Variants in BMERB1 observed in about 807,000 individuals in gnomAD.
BMERB1 encodes bMERB domain containing 1, also known as bMERB domain-containing protein 1.
A neutral mutation model predicts 23.6 loss-of-function variants in BMERB1; 12 were observed. That is an observed-to-expected ratio of 0.51 (90% CI 0.33 to 0.82). BMERB1 has a LOEUF of 0.82. Ranked by LOEUF, BMERB1 falls within the 40% of genes least tolerant of loss-of-function variation. The pLI, the probability that BMERB1 is intolerant of heterozygous loss-of-function variation, is 0.03. For synonymous variants in BMERB1, 122 were observed against 96.6 expected (o/e 1.26, Z -1.54); for missense variants, 247 against 255.4 (o/e 0.97, Z 0.22).
chr16:15,492,718 A>AG (rs1267925560), intron 1 of BMERB1, among the ~76,000 whole-genome samples: 1 of 151,964 alleles, frequency 6.6e-6, no homozygotes, highest in Non-Finnish European at 1.5e-5. Flanking sequence ...CAGGGGTTTG[A>AG]GACCAGCTTC....
At chr16:15,568,371 C>A (rs182253656) in intron 3 of BMERB1, among the ~76,000 whole-genome samples, 9 of 152,314 alleles carry the variant, frequency 5.9e-5, no homozygotes, top group Non-Finnish European at 1.0e-4. Flanking sequence ...GGCACGGTGG[C>A]TAATGCCTGT....
chr16:15,584,374 C>T (rs777340383), intron 5 of BMERB1, among the ~76,000 whole-genome samples: 1 of 151,900 alleles, frequency 6.6e-6, no homozygotes, highest in Non-Finnish European at 1.5e-5. Flanking sequence ...CTGGCTAACA[C>T]GGTGAAGCCC....
intron 2 of BMERB1, among the ~76,000 whole-genome samples, chr16:15,564,030 C>T (rs1286399634): frequency 1.3e-5 from 2 of 152,186 alleles, no homozygotes; most frequent in Non-Finnish European, 2.9e-5. Context: ...CCCCCTCTCT[C>T]TTGCTTCCAC....
At chr16:15,553,972 A>G (rs1208315630) in intron 2 of BMERB1, among the ~76,000 whole-genome samples, 5 of 152,088 alleles carry the variant, frequency 3.3e-5, no homozygotes, top group African/African-American at 1.2e-4. Context: ...GTTCTTTACA[A>G]CGCAGACACA....
At chr16:15,536,659 C>A in intron 2 of BMERB1, 1 of 152,400 alleles carries the variant, frequency 6.6e-6, no homozygotes. Context: ...TTCCGCGTCT[C>A]AGCCTTGACT....
intron 1 of BMERB1, among the ~76,000 whole-genome samples, chr16:15,508,714 T>C (rs2051621801): frequency 6.6e-6 from 1 of 150,816 alleles, no homozygotes; most frequent in Non-Finnish European, 1.5e-5. Flanking sequence ...TAATTTCAGC[T>C]ACTCGGGAGG....
intron 3 of BMERB1, among the ~76,000 whole-genome samples, chr16:15,580,145 G>A (rs935853925): frequency 6.6e-6 from 1 of 150,648 alleles, no homozygotes; most frequent in East Asian, 1.9e-4. Flanking sequence ...TACCCAGGCT[G>A]GAGTGCAATG....
rs960404308 is a variant in BMERB1 at position 15,490,748 on chromosome 16, T to C, written c.107-24557T>C. Among the ~76,000 whole-genome samples the C allele has an allele frequency of 3.3e-5, 5 of 152,244 alleles. 1 individual carries two copies. Among genetic ancestry groups the C allele is most frequent in the Admixed American group, 3.3e-4 (5 of 15,280 alleles). ...CTGTCCCACCCTCTGCAAAGATCTG[T>C]GATGCTGGAAAGTTGTGTGTGGCTA... On this transcript the variant is annotated intron_variant, in intron 1 of 5. Coordinates refer to ENST00000300006, the MANE Select transcript of BMERB1 (RefSeq NM_033201.3).
At chr16:15,516,240 G>C (rs1045883628) in intron 2 of BMERB1, among the ~76,000 whole-genome samples, 1 of 151,972 alleles carries the variant, frequency 6.6e-6, no homozygotes, top group African/African-American at 2.4e-5. Flanking sequence ...ACAGGGCAAT[G>C]TAGCCAGACC....
chr16:15,526,754 A>G (rs1319893243), intron 2 of BMERB1, among the ~76,000 whole-genome samples: 1 of 150,832 alleles, frequency 6.6e-6, no homozygotes, highest in Non-Finnish European at 1.5e-5. Context: ...CATTACCACA[A>G]GTTTGTGATA....
intron 1 of BMERB1, among the ~76,000 whole-genome samples, chr16:15,462,142 T>G (rs2051141179): frequency 9.7e-6 from 1 of 102,874 alleles, no homozygotes; most frequent in African/African-American, 3.4e-5. Flanking sequence ...CCTGCCTTTT[T>G]TTTTTTTTTT....
chr16:15,520,775 C>T (rs1422030267), intron 2 of BMERB1, among the ~76,000 whole-genome samples: 3 of 152,218 alleles, frequency 2.0e-5, no homozygotes, highest in African/African-American at 7.2e-5. Flanking sequence ...GCATGAGCCA[C>T]TGCACCCGGC....
At chr16:15,584,857 A>G (rs1194644951) in intron 5 of BMERB1, among the ~76,000 whole-genome samples, 1 of 152,160 alleles carries the variant, frequency 6.6e-6, no homozygotes, top group East Asian at 1.9e-4. Context: ...TCTCAGGGAA[A>G]TATTCTCACC....
chr16:15,563,055 T>C (rs926442250), intron 2 of BMERB1, among the ~76,000 whole-genome samples: 3 of 152,092 alleles, frequency 2.0e-5, no homozygotes, highest in African/African-American at 7.2e-5. Flanking sequence ...CCAAATCTCA[T>C]GTTGAAATTA....
chr16:15,561,716 G>A (rs887636010), intron 2 of BMERB1, among the ~76,000 whole-genome samples: 1 of 152,148 alleles, frequency 6.6e-6, no homozygotes, highest in Non-Finnish European at 1.5e-5. Context: ...AACATGGCAA[G>A]ATTCTGTCTC....
intron 2 of BMERB1, among the ~76,000 whole-genome samples, chr16:15,535,504 G>T (rs566200832): frequency 6.6e-6 from 1 of 152,044 alleles, no homozygotes; most frequent in African/African-American, 2.4e-5. Context: ...AAAAAAATTA[G>T]GTGACTACAG....
chr16:15,526,174 T>C (rs1339024839), intron 2 of BMERB1, among the ~76,000 whole-genome samples: 2 of 152,212 alleles, frequency 1.3e-5, no homozygotes, highest in African/African-American at 2.4e-5. Flanking sequence ...GAACATTCTA[T>C]TCACCAGCAC....
chr16:15,453,388 G>A (rs1348510470), intron 1 of BMERB1, among the ~76,000 whole-genome samples: 1 of 152,128 alleles, frequency 6.6e-6, no homozygotes, highest in Non-Finnish European at 1.5e-5. Flanking sequence ...GGCCAGCTTG[G>A]CCAACACAGC....
chr16:15,505,889 A>C (rs902777349), intron 1 of BMERB1, among the ~76,000 whole-genome samples: 1 of 143,572 alleles, frequency 7.0e-6, no homozygotes, highest in East Asian at 2.0e-4. Context: ...CGCCGTTTCA[A>C]AAAAAAAAAA....
Sources: allele counts gnomAD v4.1 joint callset (sites outside exome capture counted in the v4.1 genomes callset), GRCh38; gene constraint gnomAD v4.1.1; transcripts MANE v1.5; gene names NCBI Gene and HGNC (gene_info 2026-07-23, HGNC 2026-07-21).